Variants in LSM4 observed in about 807,000 individuals in gnomAD.
LSM4 encodes U6 snRNA-associated Sm-like protein LSm4.
In LSM4, 15 loss-of-function variants were observed where a neutral mutation model predicts 22.3. That is an observed-to-expected ratio of 0.67 (90% CI 0.45 to 1.03). The LOEUF is 1.03. LSM4 is among the 50% of genes least tolerant of loss of function. The pLI, the probability that LSM4 is intolerant of heterozygous loss-of-function variation, is 0.00. For missense variants in LSM4, 127 were observed against 198.0 expected, an observed-to-expected ratio of 0.64 and a Z score of 2.15; for synonymous variants, 90 against 79.8, an observed-to-expected ratio of 1.13 and a Z score of -0.68.
At chr19:18,308,767 A>ACAGAGGC (rs1370043876) in intron 4 of LSM4, among the ~76,000 whole-genome samples, 1 of 152,150 alleles carries the variant, frequency 6.6e-6, no homozygotes, top group African/African-American at 2.4e-5. Flanking sequence ...CCCTGTGGGG[A>ACAGAGGC]CAGAGGCCAG....
At chr19:18,309,994 C>T (rs745360900) in intron 3 of LSM4, 133 bp from the exon 4 acceptor site, 24 of 809,894 alleles carry the variant, frequency 3.0e-5, no homozygotes, top group East Asian at 5.5e-5. Flanking sequence ...GTATCAGTCC[C>T]GGGACATACG....
At chr19:18,308,235 A>G (rs1970255237) in intron 4 of LSM4, among the ~76,000 whole-genome samples, 1 of 152,182 alleles carries the variant, frequency 6.6e-6, no homozygotes, top group Non-Finnish European at 1.5e-5. Flanking sequence ...AATCCTGAGC[A>G]GGCTGCACGC....
chr19:18,316,293 C>T (rs1035614881), intron 1 of LSM4: 3 of 438,210 alleles, frequency 6.8e-6, no homozygotes, highest in East Asian at 3.9e-5. Context: ...TCCCTACTCC[C>T]GTAGGTGGCC....
chr19:18,312,584 T>C lies in LSM4; in HGVS notation c.144+20A>G. 1.3e-6 allele frequency: 2 copies of C among 1,596,212 alleles called. No homozygotes were observed. Among genetic ancestry groups the C allele is most frequent in the Non-Finnish European group, 1.7e-6 (2 of 1,163,928 alleles). ...GTGCACCCCCTGCATCCCACCCCCG[T>C]TGGTGGGTGCAGCACCCACCCTGGA... On this transcript the variant is annotated intron_variant, in intron 3 of 4. Coordinates refer to ENST00000593829, the MANE Select transcript of LSM4 (RefSeq NM_012321.5).
chr19:18,308,192 G>A (rs1210371489), intron 4 of LSM4, among the ~76,000 whole-genome samples: 4 of 152,132 alleles, frequency 2.6e-5, no homozygotes, highest in Admixed American at 6.5e-5. Flanking sequence ...AGGGCCCCAG[G>A]GACTGAGTGG....
At chr19:18,308,977 A>G (rs149781995) in intron 4 of LSM4, among the ~76,000 whole-genome samples, 2 of 152,216 alleles carry the variant, frequency 1.3e-5, no homozygotes, top group Non-Finnish European at 2.9e-5. Context: ...CTTGACCCCA[A>G]CTACTGGGAA....
At chr19:18,317,287 G>T (rs1970366902) in intron 1 of LSM4, among the ~76,000 whole-genome samples, 1 of 151,528 alleles carries the variant, frequency 6.6e-6, no homozygotes, top group African/African-American at 2.4e-5. Flanking sequence ...CTCCCAAAGG[G>T]CTGGGGTAAC....
chr19:18,310,588 G>A (rs576474834), intron 3 of LSM4, among the ~76,000 whole-genome samples: 40 of 152,274 alleles, frequency 2.6e-4, no homozygotes, highest in Admixed American at 5.2e-4. Context: ...GGGACAGATC[G>A]AGGGATTAGC....
intron 1 of LSM4, chr19:18,316,337 ATTTTTTTTT>A (rs35435536): frequency 7.6e-4 from 94 of 123,264 alleles, no homozygotes; most frequent in African/African-American, 3.2e-3. Context: ...ACTCTGGTCA[ATTTTTTTTT>A]TTTTTTTTTT....
intron 2 of LSM4, among the ~76,000 whole-genome samples, chr19:18,315,038 T>C (rs1359896483): frequency 1.3e-5 from 2 of 152,056 alleles, no homozygotes; most frequent in Non-Finnish European, 2.9e-5. Flanking sequence ...GTGCCCGCCA[T>C]CACGCCCGGC....
At chr19:18,315,883 T>C in intron 2 of LSM4, 141 bp downstream of exon 2, 1 of 677,172 alleles carries the variant, frequency 1.5e-6, no homozygotes, top group Non-Finnish European at 2.6e-6. Context: ...GACAGGAGTG[T>C]GGACACTCCT....
chr19:18,309,397 C>T (rs1346867232), intron 4 of LSM4: 12 of 481,160 alleles, frequency 2.5e-5, no homozygotes, highest in Non-Finnish European at 4.4e-5. Flanking sequence ...GCGGCCTGGA[C>T]AGATGGGCAC....
chr19:18,319,461 C>T (rs1269270272), intron 1 of LSM4, among the ~76,000 whole-genome samples: 1 of 151,922 alleles, frequency 6.6e-6, no homozygotes, highest in African/African-American at 2.4e-5. Context: ...ACTTGGGAGG[C>T]TGAGGCAGAA....
At chr19:18,315,380 G>C (rs1471322157) in intron 2 of LSM4, among the ~76,000 whole-genome samples, 9 of 151,694 alleles carry the variant, frequency 5.9e-5, no homozygotes, top group African/African-American at 1.5e-4. Context: ...TGAACTCCTG[G>C]GCTGAAGCCA....
At chr19:18,319,032 C>G (rs142332409) in intron 1 of LSM4, among the ~76,000 whole-genome samples, 30 of 152,314 alleles carry the variant, frequency 2.0e-4, no homozygotes, top group African/African-American at 5.1e-4. Flanking sequence ...CACCTGAGGT[C>G]AGGAGTTCCA....
At chr19:18,322,125 TCTCA>T (rs1328250731) in intron 1 of LSM4, among the ~76,000 whole-genome samples, 4 of 152,126 alleles carry the variant, frequency 2.6e-5, no homozygotes, top group Admixed American at 2.6e-4. Context: ...TAGGGAGAGT[TCTCA>T]CTAATCCACA....
Position 18,323,035 on chromosome 19 carries a change from C to G in LSM4, c.-15G>C. 6.5e-7 allele frequency: 1 copy of G among 1,545,386 alleles called. No individual in the cohort carries two copies. Among genetic ancestry groups the G allele is most frequent in the Non-Finnish European group, 8.7e-7 (1 of 1,154,194 alleles). On this transcript the variant is annotated 5_prime_UTR_variant, in exon 1 of 5. Coordinates refer to ENST00000593829, the MANE Select transcript of LSM4 (RefSeq NM_012321.5). ...GCCCTCACCATGGTGCCGGCGGGGA[C>G]CGGGCTCGCCGGCCACTTCCGCCGC...
chr19:18,313,572 C>T (rs1970321129), intron 2 of LSM4, among the ~76,000 whole-genome samples: 1 of 152,186 alleles, frequency 6.6e-6, no homozygotes, highest in African/African-American at 2.4e-5. Context: ...GGCTGGAGTG[C>T]AGTATCGTGA....
Position 18,306,914 on chromosome 19 carries a change from T to C in LSM4, c.*550A>G, listed in dbSNP as rs529109604. 6.6e-6 allele frequency: 1 copy of C among 152,268 alleles called. No homozygotes were observed. The highest frequency in any genetic ancestry group is 1.5e-5 in the Non-Finnish European group (1 of 68,104). 9.4% of individuals were successfully genotyped at this position (152,268 alleles called of 1,614,324 possible). A position where few individuals can be genotyped will look rare whatever the true frequency, so the allele number is the denominator to read the frequency against. ...CTCAAAAGGAACAGTGGATGTGCAG[T>C]GTGTAGTTTTATTTGTTTTTATTTC... is the stretch of plus-strand genomic sequence containing the variant. On this transcript the variant is annotated 3_prime_UTR_variant, in exon 5 of 5. Coordinates refer to ENST00000593829, the MANE Select transcript of LSM4 (RefSeq NM_012321.5).
Sources: allele counts gnomAD v4.1 joint callset (sites outside exome capture counted in the v4.1 genomes callset), GRCh38; gene constraint gnomAD v4.1.1; transcripts MANE v1.5; gene names NCBI Gene and HGNC (gene_info 2026-07-23, HGNC 2026-07-21).